The following SLC24A3 variants were observed in gnomAD, a reference collection of about 807,000 sequenced individuals.
SLC24A3 encodes the protein solute carrier family 24 member 3, also known as sodium/potassium/calcium exchanger 3.
A neutral mutation model predicts 75.8 loss-of-function variants in SLC24A3; 28 were observed. The ratio of observed to expected loss-of-function variants is 0.37; its 90% CI spans 0.27 to 0.51. The LOEUF (loss-of-function observed/expected upper bound fraction) is 0.51. Among genes scored for constraint, SLC24A3 ranks in the 20% least tolerant of loss-of-function variants. The pLI, the probability that SLC24A3 is intolerant of heterozygous loss-of-function variation, is 0.94. For missense variants in SLC24A3, 663 were observed against 847.8 expected, an observed-to-expected ratio of 0.78 and a Z score of 2.71; for synonymous variants, 372 against 334.1, an observed-to-expected ratio of 1.11 and a Z score of -1.24.
At chr20:19,475,130 A>G (rs6081608) in intron 2 of SLC24A3, among the ~76,000 whole-genome samples, 52,629 of 151,786 alleles carry the variant, frequency 0.35, 9,524 homozygotes, top group African/African-American at 0.45. Context: ...CAAGGTCAGG[A>G]GATCGAAACC....
At chr20:19,387,583 G>T (rs1196631644) in intron 2 of SLC24A3, among the ~76,000 whole-genome samples, 3 of 152,034 alleles carry the variant, frequency 2.0e-5, no homozygotes, top group Non-Finnish European at 4.4e-5. Context: ...TTGAGCAATT[G>T]GTTGTTCAGA....
chr20:19,481,269 A>G (rs930959795), intron 2 of SLC24A3, among the ~76,000 whole-genome samples: 1 of 152,192 alleles, frequency 6.6e-6, no homozygotes, highest in African/African-American at 2.4e-5. Context: ...AAGTTGTGAT[A>G]ATAATAACTA....
At chr20:19,225,058 AAG>A (rs1471304194) in intron 1 of SLC24A3, among the ~76,000 whole-genome samples, 2 of 152,144 alleles carry the variant, frequency 1.3e-5, no homozygotes, top group Non-Finnish European at 2.9e-5. Context: ...GTTGCTTTAG[AAG>A]AGAGTTTGCA....
rs146928425 is a variant in SLC24A3 at position 19,438,866 on chromosome 20, G to A, written c.272-76622G>A. On this transcript the variant is annotated intron_variant, in intron 2 of 16. Coordinates refer to ENST00000328041, the MANE Select transcript of SLC24A3 (RefSeq NM_020689.4). ...GCCTCTGCACCTGGCATCCCCACAGGGTAGGCAATATAGACAGCAAGCTGC... is the reference window on the plus strand; with the variant it reads ...GCCTCTGCACCTGGCATCCCCACAGAGTAGGCAATATAGACAGCAAGCTGC... Among the ~76,000 whole-genome samples the A allele has an allele frequency of 3.1e-4, 47 of 152,342 alleles. 1 individual carries two copies. The highest frequency in any genetic ancestry group is 1.1e-3 in the Admixed American group (17 of 15,310).
intron 1 of SLC24A3, among the ~76,000 whole-genome samples, chr20:19,218,056 C>T (rs1334347490): frequency 6.6e-6 from 1 of 152,198 alleles, no homozygotes; most frequent in Non-Finnish European, 1.5e-5. Flanking sequence ...ACCCCAGTCA[C>T]TGGCCCCATA....
chr20:19,430,153 G>C (rs1233178453), intron 2 of SLC24A3, among the ~76,000 whole-genome samples: 4 of 152,168 alleles, frequency 2.6e-5, no homozygotes, highest in Non-Finnish European at 5.9e-5. Context: ...CTAAGATTTG[G>C]CTCTTGCTGG....
chr20:19,640,995 A>G (rs1354241204), intron 6 of SLC24A3, among the ~76,000 whole-genome samples: 3 of 152,212 alleles, frequency 2.0e-5, no homozygotes, highest in Non-Finnish European at 2.9e-5. Context: ...AGGAAAACAT[A>G]TTTAAATTTT....
intron 3 of SLC24A3, among the ~76,000 whole-genome samples, chr20:19,571,077 G>T (rs992152871): frequency 1.4e-4 from 21 of 151,158 alleles, no homozygotes; most frequent in Non-Finnish European, 2.8e-4. Context: ...GTCAGGATTT[G>T]AACCCAGTGG....
intron 2 of SLC24A3, among the ~76,000 whole-genome samples, chr20:19,442,152 G>A (rs1987308654): frequency 6.6e-6 from 1 of 152,168 alleles, no homozygotes; most frequent in Non-Finnish European, 1.5e-5. Flanking sequence ...TTAAGAATAA[G>A]GCTGCTATGA....
intron 16 of SLC24A3, among the ~76,000 whole-genome samples, chr20:19,719,470 T>C (rs546425300): frequency 6.6e-6 from 1 of 151,782 alleles, no homozygotes; most frequent in Non-Finnish European, 1.5e-5. Context: ...AGGGTGGAGT[T>C]GACCTCACTG....
At position 19,613,547 on chromosome 20, in the gene SLC24A3, C is replaced by T. The variant is rs150181399; in HGVS notation, c.612+28003C>T. ...CTGCATTCTCTGCCAAAACAAAATA[C>T]ATCTATTCCCCGTTTTAATCAAATA... On this transcript the variant is annotated intron_variant, in intron 6 of 16. Coordinates refer to ENST00000328041, the MANE Select transcript of SLC24A3 (RefSeq NM_020689.4). 5.8e-4 allele frequency among the ~76,000 whole-genome samples: 89 copies of T among 152,316 alleles called. No homozygotes were observed. In the East Asian group the frequency reaches 0.015, roughly 25 times the overall value.
chr20:19,702,688 T>C (rs1246131107), intron 15 of SLC24A3, among the ~76,000 whole-genome samples: 1 of 152,056 alleles, frequency 6.6e-6, no homozygotes, highest in Non-Finnish European at 1.5e-5. Flanking sequence ...CTTTTGAAAG[T>C]AGAAAATCAG....
intron 2 of SLC24A3, among the ~76,000 whole-genome samples, chr20:19,382,618 C>T (rs1238701532): frequency 6.6e-6 from 1 of 152,120 alleles, no homozygotes; most frequent in Non-Finnish European, 1.5e-5. Flanking sequence ...GCTCCTGTCT[C>T]TCTGGCTGTG....
intron 6 of SLC24A3, among the ~76,000 whole-genome samples, chr20:19,598,291 G>C (rs1233676669): frequency 6.6e-6 from 1 of 152,146 alleles, no homozygotes; most frequent in Non-Finnish European, 1.5e-5. Context: ...GCCTGGACCT[G>C]AGCCTGAATC....
intron 3 of SLC24A3, among the ~76,000 whole-genome samples, chr20:19,577,297 T>C (rs1016056927): frequency 1.4e-4 from 22 of 152,194 alleles, no homozygotes; most frequent in Non-Finnish European, 2.5e-4. Context: ...CCTTGTGATC[T>C]GCCCGCCTCG....
intron 2 of SLC24A3, among the ~76,000 whole-genome samples, chr20:19,314,990 G>T (rs566758700): frequency 7.9e-5 from 12 of 152,348 alleles, no homozygotes; most frequent in Middle Eastern, 3.4e-3. Context: ...ACACATAAAA[G>T]TGCTGAAGAA....
At chr20:19,491,097 A>T (rs1988203514) in intron 2 of SLC24A3, among the ~76,000 whole-genome samples, 1 of 152,188 alleles carries the variant, frequency 6.6e-6, no homozygotes, top group Non-Finnish European at 1.5e-5. Context: ...AAGCATGTGA[A>T]CTTGCCCTTT....
chr20:19,703,809 G>T (rs908506158), intron 15 of SLC24A3, among the ~76,000 whole-genome samples: 17 of 152,234 alleles, frequency 1.1e-4, no homozygotes, highest in African/African-American at 4.1e-4. Flanking sequence ...CTTTTGGTTT[G>T]CTTGGAAGCT....
intron 2 of SLC24A3, among the ~76,000 whole-genome samples, chr20:19,503,420 T>G (rs1318350144): frequency 6.6e-6 from 1 of 152,226 alleles, no homozygotes. Flanking sequence ...GACTTGATAT[T>G]TGGAATCTAA....
Sources: allele counts gnomAD v4.1 joint callset (sites outside exome capture counted in the v4.1 genomes callset), GRCh38; gene constraint gnomAD v4.1.1; transcripts MANE v1.5; gene names NCBI Gene and HGNC (gene_info 2026-07-23, HGNC 2026-07-21).